RBFOX1: variants seen among roughly 807,000 people sequenced by gnomAD.
RBFOX1 encodes the protein RNA binding fox-1 homolog 1, also known as RNA binding protein fox-1 homolog 1.
In RBFOX1, 8 loss-of-function variants were observed where a neutral mutation model predicts 57.7. The observed-to-expected ratio is 0.14, with a 90% CI of 0.08 to 0.25. RBFOX1 has a LOEUF of 0.25. Among genes scored for constraint, RBFOX1 ranks in the 10% least tolerant of loss-of-function variants. The pLI is 1.00. For missense variants in RBFOX1, 611 were observed against 548.5 expected (o/e 1.11, Z -1.14); for synonymous variants, 326 against 222.4 (o/e 1.47, Z -4.15).
At chr16:6,971,500 G>C (rs1307614448) in intron 3 of RBFOX1, among the ~76,000 whole-genome samples, 2 of 125,714 alleles carry the variant, frequency 1.6e-5, no homozygotes, top group African/African-American at 2.5e-5. Flanking sequence ...GAGAGAGAGA[G>C]AGAGAGTTGG....
rs113497497 is a variant in RBFOX1, at chr16:6,641,307, G to A, written c.-63-13296G>A. ...GACCTAGAGGACAGCATTGTAACACGGTTCAACCAAGGCGTTCACCTTCAC... is the reference window on the plus strand; with the variant it reads ...GACCTAGAGGACAGCATTGTAACACAGTTCAACCAAGGCGTTCACCTTCAC... On this transcript the variant is annotated intron_variant, in intron 2 of 15. Coordinates refer to ENST00000550418, the MANE Select transcript of RBFOX1 (RefSeq NM_018723.4). Among the ~76,000 whole-genome samples the A allele has an allele frequency of 2.8e-4, 43 of 152,232 alleles. 1 individual carries two copies. The highest frequency in any genetic ancestry group is 9.9e-4 in the African/African-American group (41 of 41,546).
intron 2 of RBFOX1, among the ~76,000 whole-genome samples, chr16:5,596,679 T>A (rs1159836760): frequency 6.6e-6 from 1 of 152,216 alleles, no homozygotes; most frequent in Non-Finnish European, 1.5e-5. Context: ...GTTGATCAAG[T>A]GCAGTTTTTT....
chr16:7,667,295 TCAG>T (rs2069670959), intron 13 of RBFOX1, among the ~76,000 whole-genome samples: 1 of 152,196 alleles, frequency 6.6e-6, no homozygotes, highest in Non-Finnish European at 1.5e-5. Flanking sequence ...ACTGCCCAGC[TCAG>T]CAGCAGAACA....
intron 2 of RBFOX1, among the ~76,000 whole-genome samples, chr16:6,321,924 G>A (rs1436869561): frequency 6.6e-6 from 1 of 152,100 alleles, no homozygotes; most frequent in Non-Finnish European, 1.5e-5. Context: ...AGCACAGATT[G>A]CTATACATCT....
At position 7,234,135 on chromosome 16, in the gene RBFOX1, T is replaced by C. The variant is rs138675736; in HGVS notation, c.27+182037T>C. On this transcript the variant is annotated intron_variant, in intron 4 of 15. Coordinates refer to ENST00000550418, the MANE Select transcript of RBFOX1 (RefSeq NM_018723.4). The stretch of plus-strand genomic sequence containing the variant: ...CAGCTCTATTCACAAAGGCCTGTTT[T>C]GCTGGCAGACGCTTTTGTCAGATAT... Among the ~76,000 whole-genome samples the C allele has an allele frequency of 6.0e-3, 921 of 152,322 alleles. 16 individuals carry two copies. The highest frequency in any genetic ancestry group is 0.021 in the African/African-American group (865 of 41,568).
At chr16:7,364,217 G>C (rs1279727287) in intron 4 of RBFOX1, among the ~76,000 whole-genome samples, 1 of 152,190 alleles carries the variant, frequency 6.6e-6, no homozygotes, top group Admixed American at 6.5e-5. Context: ...CTTGGGATGT[G>C]CCGGGCTAGC....
Position 6,803,074 on chromosome 16 carries a change from GTGTT to G in RBFOX1, c.-16+148426_-16+148429del, listed in dbSNP as rs1462176836. 7.2e-5 allele frequency among the ~76,000 whole-genome samples: 11 copies of G among 152,212 alleles called. 1 individual carries two copies. Among genetic ancestry groups the G allele is most frequent in the African/African-American group, 2.6e-4 (11 of 41,536 alleles). On this transcript the variant is annotated intron_variant, in intron 3 of 15. Coordinates refer to ENST00000550418, the MANE Select transcript of RBFOX1 (RefSeq NM_018723.4). Reference sequence around the variant, plus strand: ...GAACTCAAAATGTTACTTTGTGTGTGTGTTTAATTTCCCCATCACCCACTCTGCA... The same window carrying G: ...GAACTCAAAATGTTACTTTGTGTGTGTAATTTCCCCATCACCCACTCTGCA...
At chr16:5,536,881 G>C (rs898801373) in intron 2 of RBFOX1, among the ~76,000 whole-genome samples, 5 of 152,276 alleles carry the variant, frequency 3.3e-5, no homozygotes, top group Admixed American at 1.3e-4. Context: ...GTTTATTCTA[G>C]CTTCCATTCT....
chr16:5,643,650 G>C (rs1170178982), intron 3 of RBFOX1, among the ~76,000 whole-genome samples: 1 of 152,184 alleles, frequency 6.6e-6, no homozygotes, highest in Non-Finnish European at 1.5e-5. Context: ...ATTATGATTT[G>C]ATGTAGGAAC....
intron 1 of RBFOX1, among the ~76,000 whole-genome samples, chr16:5,376,931 G>C (rs538444127): frequency 1.0e-5 from 1 of 95,802 alleles, no homozygotes; most frequent in Non-Finnish European, 2.3e-5. Flanking sequence ...TCTCTTCATA[G>C]CACACCCTGC....
chr16:5,664,327 A>G (rs1008918300), intron 3 of RBFOX1, among the ~76,000 whole-genome samples: 2 of 152,130 alleles, frequency 1.3e-5, no homozygotes, highest in Non-Finnish European at 2.9e-5. Flanking sequence ...AGGTGGGCAG[A>G]TCACGAGGTT....
intron 4 of RBFOX1, among the ~76,000 whole-genome samples, chr16:7,405,174 AG>A (rs1429167334): frequency 5.3e-5 from 8 of 152,228 alleles, no homozygotes; most frequent in Non-Finnish European, 1.0e-4. Context: ...TCCTCATTCT[AG>A]CAAGAAAGCT....
intron 1 of RBFOX1, among the ~76,000 whole-genome samples, chr16:5,301,464 A>G (rs1014048561): frequency 3.9e-5 from 6 of 151,988 alleles, no homozygotes; most frequent in Non-Finnish European, 7.4e-5. Flanking sequence ...CTAAAAACAC[A>G]AAAAATTAGC....
intron 4 of RBFOX1, among the ~76,000 whole-genome samples, chr16:5,897,433 G>A (rs1215470697): frequency 1.3e-5 from 2 of 152,126 alleles, no homozygotes; most frequent in Non-Finnish European, 2.9e-5. Context: ...TTAATCTTCA[G>A]TATTTCATAT....
chr16:6,863,570 A>G (rs1324287476), intron 3 of RBFOX1, among the ~76,000 whole-genome samples: 1 of 151,684 alleles, frequency 6.6e-6, no homozygotes, highest in East Asian at 1.9e-4. Flanking sequence ...AAATAACATT[A>G]AAGATGTGAT....
chr16:6,490,270 C>G (rs993598599), intron 2 of RBFOX1, among the ~76,000 whole-genome samples: 1 of 152,156 alleles, frequency 6.6e-6, no homozygotes, highest in Non-Finnish European at 1.5e-5. Flanking sequence ...CTTGCAAGTA[C>G]GCAATTAAAT....
intron 1 of RBFOX1, among the ~76,000 whole-genome samples, chr16:6,248,176 C>CA (rs1025205903): frequency 7.3e-5 from 11 of 150,320 alleles, no homozygotes; most frequent in South Asian, 2.1e-4. Flanking sequence ...AAACAAACAA[C>CA]AAAAAAAAGG....
intron 2 of RBFOX1, among the ~76,000 whole-genome samples, chr16:5,470,505 T>C (rs1438414528): frequency 6.8e-6 from 1 of 145,998 alleles, no homozygotes; most frequent in Non-Finnish European, 1.5e-5. Context: ...CAATCTCTAT[T>C]TATCTCTCTC....
At chr16:6,311,758 A>G (rs1315307079) in intron 1 of RBFOX1, among the ~76,000 whole-genome samples, 7 of 152,118 alleles carry the variant, frequency 4.6e-5, no homozygotes, top group Non-Finnish European at 4.4e-5. Context: ...TGTGGCTGGG[A>G]GTCACTGGAT....
Sources: allele counts gnomAD v4.1 joint callset (sites outside exome capture counted in the v4.1 genomes callset), GRCh38; gene constraint gnomAD v4.1.1; transcripts MANE v1.5; gene names NCBI Gene and HGNC (gene_info 2026-07-23, HGNC 2026-07-21).